Variants in TMX2 observed in about 807,000 individuals in gnomAD.
TMX2 encodes thioredoxin-related transmembrane protein 2.
A neutral mutation model predicts 33.4 loss-of-function variants in TMX2; 20 were observed. The observed-to-expected ratio is 0.60, with a 90% CI of 0.42 to 0.87. The LOEUF (loss-of-function observed/expected upper bound fraction) is 0.87, where lower values mean the gene tolerates loss of function less well. Among genes scored for constraint, TMX2 ranks in the 40% least tolerant of loss-of-function variants. The pLI, the probability that TMX2 is intolerant of heterozygous loss-of-function variation, is 0.00. For synonymous variants in TMX2, 166 were observed against 140.7 expected, an observed-to-expected ratio of 1.18 and a Z score of -1.27; for missense variants, 340 against 370.7, an observed-to-expected ratio of 0.92 and a Z score of 0.68.
intron 1 of TMX2, among the ~76,000 whole-genome samples, chr11:57,729,327 T>G (rs1462573667): frequency 1.3e-5 from 2 of 152,164 alleles, no homozygotes; most frequent in Admixed American, 1.3e-4. Context: ...GGTTCTGTTT[T>G]TTTTTCTGCC....
intron 1 of TMX2, among the ~76,000 whole-genome samples, chr11:57,719,514 CTTTTTTTTTT>C (rs1183104624): frequency 1.4e-5 from 1 of 70,510 alleles, no homozygotes; most frequent in Non-Finnish European, 2.5e-5. Context: ...TTTTCTTTGT[CTTTTTTTTTT>C]TTTTTTTTTT....
At chr11:57,726,150 C>A (rs7938083) in intron 1 of TMX2, among the ~76,000 whole-genome samples, 37,682 of 152,006 alleles carry the variant, frequency 0.25, 5,523 homozygotes, top group Non-Finnish European at 0.33. Flanking sequence ...TGGTGGTTCA[C>A]TCCTGTAATC....
chr11:57,739,997 A>G (rs1377897543), intron 7 of TMX2, 102 bp from the exon 8 acceptor site: 2 of 1,540,294 alleles, frequency 1.3e-6, no homozygotes, highest in Non-Finnish European at 1.8e-6. Flanking sequence ...TCCTTTGCTT[A>G]CTCCTTCCTT....
At chr11:57,733,342 G>A (rs1345970848) in intron 1 of TMX2, among the ~76,000 whole-genome samples, 1 of 138,604 alleles carries the variant, frequency 7.2e-6, no homozygotes, top group East Asian at 2.3e-4. Flanking sequence ...TGCAACCTCC[G>A]CCTCTCGGGT....
At position 57,738,011 on chromosome 11, in the gene TMX2, A is replaced by G. The variant is rs748116606; in HGVS notation, c.349A>G (p.Ile117Val). 1.2e-6 allele frequency: 2 copies of G among 1,612,494 alleles called. No homozygotes were observed. The highest frequency in any genetic ancestry group is 1.7e-6 in the Non-Finnish European group (2 of 1,179,414). Residue 117 changes from isoleucine (I) to valine (V), a missense_variant, in exon 3 of 8, where the codon ATC (isoleucine) becomes GTC (valine). This residue lies in a region of TMX2 where 209 missense variants were observed against 241.6 expected (regional missense o/e 0.87). Transcript: ENST00000278422. ...GGATATTCGCATGGGCCTACTTTAC[A>G]TCACACTCTGCATAGGTGAGGAGAC... The part of the protein sequence containing the change: ...RLDIRMGLLY[I>V]TLCIVFLMTC...
intron 1 of TMX2, among the ~76,000 whole-genome samples, chr11:57,716,366 G>T (rs544196056): frequency 8.1e-4 from 65 of 80,410 alleles, no homozygotes; most frequent in Middle Eastern, 9.8e-3. Context: ...CCTCCCTCCC[G>T]GACGGGGCGG....
chr11:57,724,225 G>A (rs1352588468), intron 1 of TMX2, among the ~76,000 whole-genome samples: 1 of 152,110 alleles, frequency 6.6e-6, no homozygotes, highest in African/African-American at 2.4e-5. Context: ...CGCAAAGGGG[G>A]TTTATTCTTG....
intron 1 of TMX2, among the ~76,000 whole-genome samples, chr11:57,730,193 G>A (rs533478380): frequency 4.0e-5 from 6 of 149,902 alleles, no homozygotes; most frequent in East Asian, 3.9e-4. Flanking sequence ...TTGGGAGGCC[G>A]AGGTGGGTGG....
intron 1 of TMX2, among the ~76,000 whole-genome samples, chr11:57,733,208 G>GTTTT (rs199852037): frequency 1.9e-5 from 2 of 103,718 alleles, no homozygotes; most frequent in Admixed American, 9.5e-5. Context: ...CTGTGGTTGT[G>GTTTT]TTTTTTTTTT....
chr11:57,724,336 AC>A (rs777917446), intron 1 of TMX2, among the ~76,000 whole-genome samples: 7 of 152,122 alleles, frequency 4.6e-5, no homozygotes, highest in African/African-American at 1.2e-4. Flanking sequence ...CAAGTGAAGT[AC>A]CCCAGATGAA....
intron 1 of TMX2, among the ~76,000 whole-genome samples, chr11:57,730,564 C>T (rs893401905): frequency 6.6e-6 from 1 of 151,568 alleles, no homozygotes; most frequent in Non-Finnish European, 1.5e-5. Context: ...TGGCAAAACT[C>T]CGTCTCTACT....
Position 57,712,686 on chromosome 11 carries a change from A to G in TMX2, c.68A>G (p.Gln23Arg). The change falls in exon 1 of 8, where the codon CAA becomes CGA. Residue 23 changes from glutamine to arginine, a missense_variant. By Grantham distance (43) the Gln-to-Arg change is conservative (BLOSUM62 1). Coordinates refer to ENST00000278422, the MANE Select transcript of TMX2 (RefSeq NM_015959.4). ...SVPRLSRWLA[Q>R]PYYLLSALLS... ...CCGCGACTTTCACGATGGCTCGCCC[A>G]ACCTTACTACCTTCTGTCGGCCCTG... 4 of 1,614,172 alleles carry G rather than the reference A, an allele frequency of 2.5e-6. No homozygotes were observed. Among genetic ancestry groups the G allele is most frequent in the South Asian group, 2.2e-5 (2 of 91,086 alleles).
At chr11:57,722,038 C>T (rs1947666559) in intron 1 of TMX2, among the ~76,000 whole-genome samples, 1 of 151,996 alleles carries the variant, frequency 6.6e-6, no homozygotes, top group Non-Finnish European at 1.5e-5. Context: ...TTCTCTTACC[C>T]ACGCTACAGT....
chr11:57,723,835 T>TAATAATAATAATAAG, intron 1 of TMX2, among the ~76,000 whole-genome samples: 1 of 148,156 alleles, frequency 6.7e-6, no homozygotes, highest in Non-Finnish European at 1.5e-5. Context: ...ATAATAATAA[T>TAATAATAATAATAAG]AAGCTAAGAG....
At chr11:57,722,870 T>C (rs1029314853) in intron 1 of TMX2, among the ~76,000 whole-genome samples, 8 of 152,224 alleles carry the variant, frequency 5.3e-5, no homozygotes, top group Non-Finnish European at 1.0e-4. Flanking sequence ...CCCAGCACTT[T>C]GGGAGGCTGA....
At chr11:57,716,326 G>A (rs1369581839) in intron 1 of TMX2, among the ~76,000 whole-genome samples, 2 of 132,898 alleles carry the variant, frequency 1.5e-5, no homozygotes, top group Non-Finnish European at 3.3e-5. Context: ...CGGACGGGGC[G>A]GCTGGCCGGG....
Position 57,712,612 on chromosome 11 carries a change from C to A in TMX2, c.-7C>A. 6.2e-7 allele frequency: 1 copy of A among 1,606,050 alleles called. No homozygotes were observed. Among genetic ancestry groups the A allele is most frequent in the East Asian group, 2.2e-5 (1 of 44,750 alleles). On this transcript the variant is annotated 5_prime_UTR_variant, in exon 1 of 8. Transcript: ENST00000278422. ...GCCGGCGAGCAGTGGCCGTTACGGC[C>A]GAAAAGATGGCGGTCTTGGCACCTC...
At chr11:57,717,604 G>A (rs1046852831) in intron 1 of TMX2, among the ~76,000 whole-genome samples, 11 of 152,128 alleles carry the variant, frequency 7.2e-5, no homozygotes, top group Admixed American at 2.6e-4. Context: ...TCGGTGGGCT[G>A]AGGCAGGAGA....
At chr11:57,738,630 G>C (rs1188024576) in intron 4 of TMX2, 34 bp from the exon 5 acceptor site, 1 of 1,577,362 alleles carries the variant, frequency 6.3e-7, no homozygotes, top group East Asian at 2.2e-5. Flanking sequence ...AGGCTATGTG[G>C]ATCCAGCTGA....
Sources: allele counts gnomAD v4.1 joint callset (sites outside exome capture counted in the v4.1 genomes callset), GRCh38; gene constraint gnomAD v4.1.1; regional missense constraint gnomAD v4.1.1; transcripts MANE v1.5; gene names NCBI Gene and HGNC (gene_info 2026-07-23, HGNC 2026-07-21).